Variants in GALNT13 observed in about 807,000 individuals in gnomAD.
GALNT13 encodes polypeptide N-acetylgalactosaminyltransferase 13, also known as UDP-GalNAc:polypeptide N-acetylgalactosaminyltransferase 13.
In GALNT13, 28 loss-of-function variants were observed where a neutral mutation model predicts 64.2. The observed-to-expected ratio is 0.44, with a 90% CI of 0.32 to 0.60. The LOEUF is 0.60. GALNT13 is among the 20% of genes least tolerant of loss of function. GALNT13 has a pLI of 0.05. For missense variants in GALNT13, 577 were observed against 669.8 expected (o/e 0.86, Z 1.53); for synonymous variants, 214 against 224.6 (o/e 0.95, Z 0.42).
intron 3 of GALNT13, among the ~76,000 whole-genome samples, chr2:154,022,801 G>T (rs201637539): frequency 0.088 from 13,219 of 150,406 alleles, 616 homozygotes; most frequent in Middle Eastern, 0.13. Flanking sequence ...GTGTCAATTT[G>T]GGATCTTTCC....
the GALNT13 span, among the ~76,000 whole-genome samples, chr2:153,097,606 A>T: frequency 6.6e-6 from 1 of 152,220 alleles, no homozygotes; most frequent in African/African-American, 2.4e-5. Flanking sequence ...TCAGTAAGTA[A>T]GTTTGATCTC....
chr2:153,894,833 T>C (rs2105277020), intron 1 of GALNT13, among the ~76,000 whole-genome samples: 1 of 152,208 alleles, frequency 6.6e-6, no homozygotes, highest in Non-Finnish European at 1.5e-5. Flanking sequence ...ATATCTTTAC[T>C]TCGGTAAGGT....
chr2:153,644,018 A>C, the GALNT13 span, among the ~76,000 whole-genome samples: 1 of 151,992 alleles, frequency 6.6e-6, no homozygotes, highest in Non-Finnish European at 1.5e-5. Context: ...CTATCTAACT[A>C]TCACGATTTC....
chr2:154,187,859 T>C (rs1686344925), intron 4 of GALNT13, among the ~76,000 whole-genome samples: 1 of 152,182 alleles, frequency 6.6e-6, no homozygotes, highest in Non-Finnish European at 1.5e-5. Context: ...TTTCTGACCA[T>C]AAGTGACAGA....
chr2:153,303,718 C>G, the GALNT13 span, among the ~76,000 whole-genome samples: 2 of 151,882 alleles, frequency 1.3e-5, no homozygotes, highest in Non-Finnish European at 2.9e-5. Flanking sequence ...TGTTGAGGTA[C>G]ATTCCTTCTA....
At chr2:154,219,959 A>G (rs919172036) in intron 4 of GALNT13, among the ~76,000 whole-genome samples, 21 of 152,122 alleles carry the variant, frequency 1.4e-4, no homozygotes, top group Non-Finnish European at 2.8e-4. Flanking sequence ...GAATAAGGAC[A>G]CATATCATAT....
intron 3 of GALNT13, among the ~76,000 whole-genome samples, chr2:154,007,522 T>C (rs1696338755): frequency 6.6e-6 from 1 of 152,068 alleles, no homozygotes; most frequent in African/African-American, 2.4e-5. Context: ...ATATTCTGAA[T>C]TGAGTTTGTT....
chr2:153,814,748 C>A, the GALNT13 span, among the ~76,000 whole-genome samples: 4 of 152,178 alleles, frequency 2.6e-5, no homozygotes, highest in Non-Finnish European at 4.4e-5. Flanking sequence ...TCCCTCCAGC[C>A]GTTTCAACGA....
the GALNT13 span, among the ~76,000 whole-genome samples, chr2:153,586,611 C>T: frequency 1.3e-5 from 2 of 152,146 alleles, no homozygotes; most frequent in Non-Finnish European, 2.9e-5. Flanking sequence ...ACCCCAATCA[C>T]AGCATTAGAT....
chr2:153,768,465 G>A, the GALNT13 span, among the ~76,000 whole-genome samples: 16 of 152,002 alleles, frequency 1.1e-4, no homozygotes, highest in Admixed American at 8.5e-4. Flanking sequence ...TTTTGAATCC[G>A]GGTGCCCCAG....
the GALNT13 span, among the ~76,000 whole-genome samples, chr2:153,406,951 A>G: frequency 1.6e-4 from 24 of 152,166 alleles, no homozygotes; most frequent in Admixed American, 1.6e-3. Context: ...TCAATAATTC[A>G]GATATATAAA....
At chr2:154,269,888 ATATATT>A (rs1464400645) in intron 8 of GALNT13, among the ~76,000 whole-genome samples, 4 of 108,256 alleles carry the variant, frequency 3.7e-5, no homozygotes, top group Non-Finnish European at 5.9e-5. Flanking sequence ...ATTGTCATAT[ATATATT>A]TATATATATG....
the GALNT13 span, among the ~76,000 whole-genome samples, chr2:153,488,794 T>C: frequency 6.6e-6 from 1 of 152,226 alleles, no homozygotes; most frequent in African/African-American, 2.4e-5. Context: ...GCTAATGTGA[T>C]ACAATTAAGA....
Position 154,034,818 on chromosome 2 carries a change from A to C in GALNT13, c.142+90179A>C, listed in dbSNP as rs112513125. Among the ~76,000 whole-genome samples, 418 of 139,394 alleles carry C rather than the reference A, an allele frequency of 3.0e-3. 1 individual carries two copies. Among genetic ancestry groups the C allele is most frequent in the African/African-American group, 0.012 (395 of 32,358 alleles). 91.4% of individuals were successfully genotyped at this position (139,394 alleles called of 152,430 possible). On this transcript the variant is annotated intron_variant, in intron 3 of 12. Transcript: ENST00000392825. ...TAGTAGTCCATTGAAAAAATGCTCA[A>C]CACCGCTAATCACAGATAACTGCAA...
At chr2:153,162,519 G>C in the GALNT13 span, among the ~76,000 whole-genome samples, 1 of 152,118 alleles carries the variant, frequency 6.6e-6, no homozygotes, top group Non-Finnish European at 1.5e-5. Context: ...CCCAGCCTCA[G>C]ATAAGGAAAG....
chr2:154,376,724 A>AT (rs1698015240), intron 9 of GALNT13, among the ~76,000 whole-genome samples: 1 of 152,082 alleles, frequency 6.6e-6, no homozygotes, highest in African/African-American at 2.4e-5. Flanking sequence ...AATCATGAGA[A>AT]TTTTTTTAAT....
intron 4 of GALNT13, among the ~76,000 whole-genome samples, chr2:154,159,621 A>G (rs35827013): frequency 0.18 from 27,814 of 152,172 alleles, 3,340 homozygotes; most frequent in Non-Finnish European, 0.26. Flanking sequence ...TTAGAGACAT[A>G]CTAAGATGAT....
intron 7 of GALNT13, 151 bp from the exon 8 acceptor site, chr2:154,258,870 A>C (rs902714551): frequency 1.3e-5 from 7 of 526,792 alleles, no homozygotes; most frequent in Middle Eastern, 4.8e-4. Context: ...GCTATTTCTT[A>C]ATTTTAAAAC....
At chr2:154,252,171 G>C (rs954118478) in intron 7 of GALNT13, among the ~76,000 whole-genome samples, 1 of 151,698 alleles carries the variant, frequency 6.6e-6, no homozygotes, top group Admixed American at 6.6e-5. Flanking sequence ...TTGATTATTT[G>C]CCAAGTAAGA....
Sources: gnomAD v4.1 joint callset for allele counts (sites outside exome capture counted in the v4.1 genomes callset) on GRCh38, gnomAD v4.1.1 for gene constraint, MANE v1.5 for transcripts, NCBI Gene and HGNC (gene_info 2026-07-23, HGNC 2026-07-21) for gene names.